Variants in FRMPD3 observed in about 807,000 individuals in gnomAD.
The protein encoded by FRMPD3 is FERM and PDZ domain-containing protein 3.
Under a neutral mutation model 97.9 loss-of-function variants are expected in FRMPD3, and 42 were observed. The ratio of observed to expected loss-of-function variants is 0.43; its 90% CI spans 0.34 to 0.55. The LOEUF (loss-of-function observed/expected upper bound fraction) is 0.55. Among genes scored for constraint, FRMPD3 ranks in the 20% least tolerant of loss-of-function variants. FRMPD3 has a pLI of 0.03. For synonymous variants in FRMPD3, 577 were observed against 581.1 expected (o/e 0.99, Z 0.10); for missense variants, 1,303 against 1,457.7 (o/e 0.89, Z 1.73).
At chrX:107,470,332 C>G (rs903490015) in intron 1 of FRMPD3, among the ~76,000 whole-genome samples, 9 of 112,370 alleles carry the variant, frequency 8.0e-5, no homozygotes, top group Non-Finnish European at 1.1e-4. Flanking sequence ...GTTGCAGTAT[C>G]TGAAGACTCA....
At chrX:107,502,645 A>C (rs1338531726) in intron 1 of FRMPD3, among the ~76,000 whole-genome samples, 1 of 111,927 alleles carries the variant, frequency 8.9e-6, no homozygotes, top group Non-Finnish European at 1.9e-5. Flanking sequence ...AAGCCCTTAA[A>C]AAAAACCAAA....
intron 1 of FRMPD3, among the ~76,000 whole-genome samples, chrX:107,506,789 G>A (rs933009099): frequency 3.6e-5 from 4 of 111,986 alleles, no homozygotes; most frequent in African/African-American, 1.3e-4. Context: ...CACCTCAGCC[G>A]CGGCTCTAGG....
intron 12 of FRMPD3, among the ~76,000 whole-genome samples, chrX:107,574,085 G>T (rs1189591218): frequency 8.9e-6 from 1 of 112,239 alleles, no homozygotes; most frequent in Non-Finnish European, 1.9e-5. Context: ...GAAGGTGATT[G>T]CTGTTAGCAA....
intron 1 of FRMPD3, among the ~76,000 whole-genome samples, chrX:107,520,466 C>T (rs902031609): frequency 1.9e-5 from 2 of 107,556 alleles, no homozygotes; most frequent in African/African-American, 7.0e-5. Flanking sequence ...ATGGCAAAAC[C>T]CTGTCTCTAC....
At chrX:107,581,536 C>A (rs1017041509) in intron 13 of FRMPD3, among the ~76,000 whole-genome samples, 4 of 110,238 alleles carry the variant, frequency 3.6e-5, no homozygotes, top group South Asian at 7.7e-4. Flanking sequence ...GTGCACAATA[C>A]AATTTTGTTT....
At chrX:107,543,997 A>C (rs1921455194) in intron 4 of FRMPD3, among the ~76,000 whole-genome samples, 1 of 111,181 alleles carries the variant, frequency 9.0e-6, no homozygotes, top group African/African-American at 3.3e-5. Context: ...AGATGAATGG[A>C]TGAAGAAAAT....
intron 1 of FRMPD3, among the ~76,000 whole-genome samples, chrX:107,524,447 C>T (rs1021843493): frequency 3.6e-5 from 4 of 112,252 alleles, no homozygotes; most frequent in Admixed American, 9.4e-5. Flanking sequence ...TTCCACCTCC[C>T]GAAGGGGTGA....
intron 8 of FRMPD3, among the ~76,000 whole-genome samples, chrX:107,557,797 C>A (rs4276820): frequency 2.3e-3 from 69 of 30,016 alleles, no homozygotes; most frequent in South Asian, 8.9e-3. Context: ...AATCTGTTGT[C>A]TATATATATA....
chrX:107,540,459 T>G (rs1388222680), intron 4 of FRMPD3, among the ~76,000 whole-genome samples: 1 of 112,096 alleles, frequency 8.9e-6, no homozygotes, highest in Admixed American at 9.4e-5. Flanking sequence ...CCCTGACATC[T>G]GTACTAATAC....
At position 107,519,357 on chromosome X, in the gene FRMPD3, C is replaced by A. The variant is rs147617757; in HGVS notation, c.-7-7225C>A. ...CAAAAAAATATAAAAAATAGTCAGG[C>A]AGGGTGGCACACGCCTGTGGTCCCA... On this transcript the variant is annotated intron_variant, in intron 1 of 14. Transcript: ENST00000683843. Among the ~76,000 whole-genome samples, 877 of 110,698 alleles carry A rather than the reference C, an allele frequency of 7.9e-3. 7 individuals are homozygous for A. The highest frequency in any genetic ancestry group is 0.028 in the African/African-American group (838 of 30,371).
intron 12 of FRMPD3, among the ~76,000 whole-genome samples, chrX:107,575,671 G>A (rs1923076974): frequency 9.0e-6 from 1 of 111,728 alleles, no homozygotes; most frequent in South Asian, 3.7e-4. Context: ...GGCTGGTCTC[G>A]AACCCCTGAC....
chrX:107,520,656 AAACAAC>A (rs1000813977), intron 1 of FRMPD3, among the ~76,000 whole-genome samples: 3 of 111,346 alleles, frequency 2.7e-5, no homozygotes, highest in African/African-American at 3.3e-5. Context: ...CTCAAAAACA[AAACAAC>A]AACAACAACA....
chrX:107,469,970 C>G (rs968157649), intron 1 of FRMPD3, among the ~76,000 whole-genome samples: 11 of 111,883 alleles, frequency 9.8e-5, no homozygotes, highest in African/African-American at 3.6e-4. Flanking sequence ...ACGGTGGACA[C>G]TCTGCCCCAG....
chrX:107,549,947 GTCT>G, intron 5 of FRMPD3, 99 bp from the exon 6 acceptor site: 1 of 538,378 alleles, frequency 1.9e-6, no homozygotes, highest in Admixed American at 2.8e-5. Flanking sequence ...TTGGCTCTCT[GTCT>G]CCATCACCTT....
chrX:107,450,562 C>CCCCA (rs1931266709), intron 1 of FRMPD3, among the ~76,000 whole-genome samples: 1 of 84,302 alleles, frequency 1.2e-5, no homozygotes, highest in African/African-American at 5.3e-5. Context: ...CATGCAAAGA[C>CCCCA]CACACACACA....
At chrX:107,590,121 C>T (rs778052581) in intron 13 of FRMPD3, among the ~76,000 whole-genome samples, 2 of 112,608 alleles carry the variant, frequency 1.8e-5, no homozygotes, top group Non-Finnish European at 3.7e-5. Context: ...TGCCACTGCA[C>T]TCCAGCCTGG....
At chrX:107,468,481 A>G (rs1931614638) in intron 1 of FRMPD3, among the ~76,000 whole-genome samples, 1 of 112,142 alleles carries the variant, frequency 8.9e-6, no homozygotes, top group African/African-American at 3.2e-5. Context: ...TTAAAAGTGA[A>G]CAAATAAATA....
intron 4 of FRMPD3, among the ~76,000 whole-genome samples, chrX:107,541,368 T>G (rs903043475): frequency 8.9e-6 from 1 of 112,112 alleles, no homozygotes; most frequent in Non-Finnish European, 1.9e-5. Context: ...CTCCATGACA[T>G]CTAGCACAGA....
intron 13 of FRMPD3, among the ~76,000 whole-genome samples, chrX:107,583,079 G>A (rs758764853): frequency 1.2e-3 from 136 of 109,937 alleles, no homozygotes; most frequent in Non-Finnish European, 2.0e-3. Flanking sequence ...AATTTTGCAC[G>A]TCTTTTTTTT....
Sources: allele counts gnomAD v4.1 joint callset (sites outside exome capture counted in the v4.1 genomes callset), GRCh38; gene constraint gnomAD v4.1.1; transcripts MANE v1.5; gene names NCBI Gene and HGNC (gene_info 2026-07-23, HGNC 2026-07-21).